Variants in TEX14 observed in about 807,000 individuals in gnomAD.
TEX14 encodes the protein inactive serine/threonine-protein kinase TEX14.
TEX14 carries 168 observed loss-of-function variants against 178.6 expected under a neutral mutation model. The observed-to-expected ratio is 0.94, with a 90% CI of 0.83 to 1.07. The LOEUF is 1.07. Among genes scored for constraint, TEX14 ranks in the 50% least tolerant of loss-of-function variants. The pLI, the probability that TEX14 is intolerant of heterozygous loss-of-function variation, is 0.00. For missense variants in TEX14, 1,730 were observed against 1,753.6 expected (o/e 0.99, Z 0.24); for synonymous variants, 626 against 634.1 (o/e 0.99, Z 0.19).
In TEX14 at chr17:58,602,466, G is replaced by A. The variant is rs148528216; in HGVS notation, c.1461C>T (p.His487=). The A allele has an allele frequency of 2.5e-6, 4 of 1,613,854 alleles. No homozygotes were observed. Among genetic ancestry groups the A allele is most frequent in the Middle Eastern group, 1.6e-4 (1 of 6,084 alleles). Residue 487 remains histidine, a synonymous_variant, in exon 12 of 32, where the codon CAC becomes CAT. Transcript: ENST00000349033. ...TCATAGTTCGGTCTTTCTGCTTGAC[G>A]TGGATGCCTGACTTAACAATATCAT... ...PYYDIVKSGI[H]VKQKDRTMNL...
intron 3 of TEX14, among the ~76,000 whole-genome samples, chr17:58,626,569 C>CAAAAAAAAAACA (rs2046148097): frequency 3.0e-5 from 1 of 33,662 alleles, no homozygotes. Context: ...GACTCCATCT[C>CAAAAAAAAAACA]AAAAAAAAAA....
intron 2 of TEX14, among the ~76,000 whole-genome samples, chr17:58,632,644 C>T (rs1357850484): frequency 6.6e-6 from 1 of 152,156 alleles, no homozygotes; most frequent in Non-Finnish European, 1.5e-5. Flanking sequence ...TAAGTACTGG[C>T]AGCCGGCCTG....
At chr17:58,568,119 C>A (rs1255867749) in intron 26 of TEX14, among the ~76,000 whole-genome samples, 4 of 152,172 alleles carry the variant, frequency 2.6e-5, no homozygotes, top group Non-Finnish European at 5.9e-5. Flanking sequence ...GCAAGGACTG[C>A]CTAGGGAATC....
chr17:58,640,557 T>C (rs1050814013), intron 2 of TEX14, among the ~76,000 whole-genome samples: 1 of 151,458 alleles, frequency 6.6e-6, no homozygotes, highest in Non-Finnish European at 1.5e-5. Flanking sequence ...ATTGGGCATA[T>C]AGCAACAGAA....
At position 58,613,075 on chromosome 17, in the gene TEX14, G is replaced by A. The variant is rs533462569; in HGVS notation, c.1005+346C>T. Reference sequence around the variant, plus strand: ...AAATTAGCCAGGCATAGTGGCAGGCGCCTGTAGTTCCAGCTACTCGGGAGG... The same window carrying A: ...AAATTAGCCAGGCATAGTGGCAGGCACCTGTAGTTCCAGCTACTCGGGAGG... On this transcript the variant is annotated intron_variant, in intron 9 of 31. Transcript: ENST00000349033. Among the ~76,000 whole-genome samples, 33 of 151,890 alleles carry A rather than the reference G, an allele frequency of 2.2e-4. No individual in the cohort carries two copies. In the South Asian group the frequency reaches 6.0e-3, roughly 28 times the overall value.
intron 2 of TEX14, among the ~76,000 whole-genome samples, chr17:58,644,638 CTTTTTTTTT>C (rs34373378): frequency 2.3e-4 from 9 of 39,578 alleles, no homozygotes; most frequent in African/African-American, 3.7e-4. Context: ...CCGCACCTGG[CTTTTTTTTT>C]TTTTTTTTTT....
intron 1 of TEX14, among the ~76,000 whole-genome samples, chr17:58,654,663 T>C (rs1482993112): frequency 2.0e-5 from 3 of 151,916 alleles, no homozygotes; most frequent in Non-Finnish European, 4.4e-5. Context: ...CCCACCATCA[T>C]TACCAGCTAA....
intron 2 of TEX14, among the ~76,000 whole-genome samples, chr17:58,645,353 T>C (rs2046680022): frequency 6.6e-6 from 1 of 151,576 alleles, no homozygotes; most frequent in Non-Finnish European, 1.5e-5. Context: ...AGATATATTA[T>C]GGCTTCTATA....
intron 29 of TEX14, among the ~76,000 whole-genome samples, chr17:58,561,291 CA>C (rs1307176727): frequency 6.6e-6 from 1 of 152,198 alleles, no homozygotes; most frequent in East Asian, 1.9e-4. Flanking sequence ...CAAGATACAG[CA>C]AACTTAGAAG....
chr17:58,577,292 G>T, intron 21 of TEX14, 83 bp downstream of exon 21: 1 of 551,390 alleles, frequency 1.8e-6, no homozygotes, highest in Non-Finnish European at 2.9e-6. Flanking sequence ...CTGAAGACAA[G>T]CAATATATAA....
At chr17:58,576,913 T>C (rs1039760771) in intron 21 of TEX14, among the ~76,000 whole-genome samples, 5 of 152,222 alleles carry the variant, frequency 3.3e-5, no homozygotes, top group African/African-American at 1.2e-4. Flanking sequence ...CCAAAGTCTG[T>C]TTAATCATTT....
chr17:58,644,292 C>A (rs559035127), intron 2 of TEX14, among the ~76,000 whole-genome samples: 1 of 152,324 alleles, frequency 6.6e-6, no homozygotes, highest in Admixed American at 6.5e-5. Context: ...CCTCCCCCTA[C>A]ACCTACATAA....
intron 3 of TEX14, among the ~76,000 whole-genome samples, chr17:58,625,383 C>A (rs548180297): frequency 6.1e-4 from 93 of 152,328 alleles, no homozygotes; most frequent in African/African-American, 2.1e-3. Context: ...GATCTGCCCG[C>A]CTCATCCTCC....
chr17:58,586,947 C>T (rs1179464216), intron 17 of TEX14, among the ~76,000 whole-genome samples: 1 of 152,196 alleles, frequency 6.6e-6, no homozygotes, highest in Non-Finnish European at 1.5e-5. Context: ...TGGTGTCTGT[C>T]TAGGGCTGGT....
At chr17:58,633,860 CA>C (rs2046375702) in intron 2 of TEX14, among the ~76,000 whole-genome samples, 1 of 151,202 alleles carries the variant, frequency 6.6e-6, no homozygotes, top group African/African-American at 2.4e-5. Context: ...CCCAGCTACT[CA>C]GGAGGCTGAG....
At chr17:58,672,665 G>A (rs961642512) in intron 1 of TEX14, among the ~76,000 whole-genome samples, 4 of 151,966 alleles carry the variant, frequency 2.6e-5, no homozygotes, top group African/African-American at 7.3e-5. Context: ...GGCTGGCCTC[G>A]AACTCCTTGG....
At chr17:58,577,257 T>A (rs1598352111) in intron 21 of TEX14, 118 bp downstream of exon 21, 1 of 423,876 alleles carries the variant, frequency 2.4e-6, no homozygotes, top group East Asian at 4.1e-5. Flanking sequence ...CAAAGCTAAC[T>A]TTTATAAGAT....
chr17:58,648,481 C>G (rs973374067), intron 2 of TEX14, among the ~76,000 whole-genome samples: 8 of 152,192 alleles, frequency 5.3e-5, no homozygotes, highest in African/African-American at 1.9e-4. Context: ...GCAAGTGTGA[C>G]TAATTACTGT....
intron 23 of TEX14, among the ~76,000 whole-genome samples, chr17:58,572,619 G>A (rs1190599526): frequency 4.1e-5 from 6 of 148,120 alleles, no homozygotes; most frequent in African/African-American, 1.5e-4. Context: ...GCAACAGAGT[G>A]AGACTCTGTC....
Sources: allele counts gnomAD v4.1 joint callset (sites outside exome capture counted in the v4.1 genomes callset), GRCh38; gene constraint gnomAD v4.1.1; transcripts MANE v1.5; gene names NCBI Gene and HGNC (gene_info 2026-07-23, HGNC 2026-07-21).